The following CENPE variants were observed in gnomAD, a reference collection of about 807,000 sequenced individuals.
CENPE encodes the protein centromere-associated protein E.
A neutral mutation model predicts 336.1 loss-of-function variants in CENPE; 145 were observed. That is an observed-to-expected ratio of 0.43 (90% CI 0.38 to 0.50). The LOEUF is 0.50. Ranked by LOEUF, CENPE falls within the 20% of genes least tolerant of loss-of-function variation. The pLI, the probability that CENPE is intolerant of heterozygous loss-of-function variation, is 0.00. For synonymous variants in CENPE, 1,013 were observed against 984.8 expected, an observed-to-expected ratio of 1.03 and a Z score of -0.54; for missense variants, 2,719 against 3,023.3, an observed-to-expected ratio of 0.90 and a Z score of 2.36.
chr4:103,193,608 A>G (rs967147003), intron 8 of CENPE, among the ~76,000 whole-genome samples: 61 of 152,240 alleles, frequency 4.0e-4, no homozygotes, highest in African/African-American at 1.5e-3. Context: ...AAGGTTTACT[A>G]ATGTGGAATA....
intron 8 of CENPE, 84 bp downstream of exon 8, chr4:103,194,145 T>C (rs1214358453): frequency 2.0e-6 from 2 of 1,002,152 alleles, no homozygotes; most frequent in African/African-American, 3.2e-5. Context: ...TAGTTAACAG[T>C]TCTTATTAAA....
chr4:103,158,591 A>C, intron 23 of CENPE, 23 bp downstream of exon 23: 1 of 1,564,314 alleles, frequency 6.4e-7, no homozygotes, highest in East Asian at 2.2e-5. Context: ...AATTTTTCAA[A>C]GTTTAATCAA....
intron 24 of CENPE, 128 bp from the exon 25 acceptor site, chr4:103,153,378 G>A (rs1753717325): frequency 6.3e-6 from 4 of 631,102 alleles, no homozygotes; most frequent in Non-Finnish European, 1.1e-5. Flanking sequence ...ATTTAATCTT[G>A]ACAGTAACTT....
intron 16 of CENPE, among the ~76,000 whole-genome samples, chr4:103,164,939 T>G (rs538841796): frequency 6.6e-6 from 1 of 152,292 alleles, no homozygotes; most frequent in African/African-American, 2.4e-5. Context: ...TTAAAAATAC[T>G]TAGAAGAGAT....
chr4:103,189,786 G>C (rs1022539569), intron 8 of CENPE, among the ~76,000 whole-genome samples: 7 of 152,102 alleles, frequency 4.6e-5, no homozygotes, highest in African/African-American at 1.7e-4. Context: ...TGGAAGTTCT[G>C]GCCAGAGCAA....
intron 30 of CENPE, 29 bp downstream of exon 30, chr4:103,145,800 T>C (rs1245615354): frequency 6.4e-7 from 1 of 1,560,244 alleles, no homozygotes; most frequent in East Asian, 2.3e-5. Flanking sequence ...AAAATATTTT[T>C]TAAAAACATG....
chr4:103,144,656 A>AT, intron 32 of CENPE, 38 bp from the exon 33 acceptor site: 6 of 1,424,652 alleles, frequency 4.2e-6, no homozygotes, highest in East Asian at 2.3e-5. Flanking sequence ...CATAGGCAGA[A>AT]TTTTTTTAGG....
At chr4:103,170,513 T>C (rs771404568) in intron 16 of CENPE, among the ~76,000 whole-genome samples, 50 of 152,266 alleles carry the variant, frequency 3.3e-4, no homozygotes, top group Admixed American at 2.0e-3. Flanking sequence ...CTTGTAAGCC[T>C]GATGGTAACC....
intron 42 of CENPE, among the ~76,000 whole-genome samples, chr4:103,126,416 G>A (rs1751107199): frequency 1.3e-5 from 2 of 152,030 alleles, no homozygotes; most frequent in Admixed American, 6.6e-5. Context: ...TCCATGTGAA[G>A]GCAGGGAAAT....
rs567857481 is a variant in CENPE, at chr4:103,137,339, T to A, written c.6304-980A>T. On this transcript the variant is annotated intron_variant, in intron 39 of 48. Transcript: ENST00000265148. ...ACTTGAGGCTATGCAGGTGACACAC[T>A]GGTCAGAGCACAGGTAGAGAAACAT... Among the ~76,000 whole-genome samples, 4 of 152,296 alleles carry A rather than the reference T, an allele frequency of 2.6e-5. No homozygotes were observed. In the South Asian group the frequency reaches 8.3e-4, roughly 32 times the overall value.
chr4:103,188,937 C>A (rs933025871), intron 8 of CENPE, among the ~76,000 whole-genome samples: 10 of 151,818 alleles, frequency 6.6e-5, no homozygotes, highest in African/African-American at 1.9e-4. Context: ...TCAAATAGAC[C>A]CAATAAAAAA....
At chr4:103,122,790 TA>T in intron 43 of CENPE, 80 bp downstream of exon 43, 1 of 1,015,110 alleles carries the variant, frequency 9.9e-7, no homozygotes, top group Non-Finnish European at 1.5e-6. Flanking sequence ...TCATGTTCAG[TA>T]ATAAGTAAAT....
At chr4:103,189,515 C>A (rs7435875) in intron 8 of CENPE, among the ~76,000 whole-genome samples, 24,241 of 151,994 alleles carry the variant, frequency 0.16, 2,331 homozygotes, top group Non-Finnish European at 0.2. Context: ...GTAATCCAGC[C>A]TATAAACAGA....
intron 8 of CENPE, among the ~76,000 whole-genome samples, chr4:103,188,015 C>A (rs1003093708): frequency 6.6e-6 from 1 of 151,766 alleles, no homozygotes; most frequent in African/African-American, 2.4e-5. Context: ...ATAAAACAGA[C>A]TTTAAACCAA....
intron 42 of CENPE, among the ~76,000 whole-genome samples, chr4:103,130,976 A>G (rs1254109326): frequency 6.6e-6 from 1 of 151,714 alleles, no homozygotes. Context: ...CATTGGTTTA[A>G]ATGTAAAACA....
At chr4:103,136,639 T>C (rs1234269963) in intron 39 of CENPE, among the ~76,000 whole-genome samples, 1 of 152,230 alleles carries the variant, frequency 6.6e-6, no homozygotes, top group African/African-American at 2.4e-5. Flanking sequence ...TTTTAGTTTT[T>C]TGAATATCCA....
intron 21 of CENPE, 25 bp from the exon 22 acceptor site, chr4:103,159,349 G>A: frequency 7.8e-7 from 1 of 1,281,932 alleles, no homozygotes; most frequent in Non-Finnish European, 1.0e-6. Context: ...TAAAATTTAG[G>A]GATGTTAGCA....
At chr4:103,115,791 T>C (rs969448978) in intron 45 of CENPE, among the ~76,000 whole-genome samples, 1 of 149,538 alleles carries the variant, frequency 6.7e-6, no homozygotes, top group Admixed American at 6.7e-5. Context: ...AGTGCAGTGG[T>C]GCGATCTCGG....
rs747457127 is a variant in CENPE at position 103,181,472 on chromosome 4, G to A, written c.964-16C>T. The stretch of plus-strand genomic sequence containing the variant: ...TACTGGCAAACTGGAAAAAAAATAC[G>A]AAAGTGCTAAGTGTTCAACACTTAA... On this transcript the variant is annotated splice_polypyrimidine_tract_variant and intron_variant, in intron 11 of 48. Coordinates refer to ENST00000265148, the MANE Select transcript of CENPE (RefSeq NM_001813.3). 8 of 1,552,894 alleles carry A rather than the reference G, an allele frequency of 5.2e-6. No individual in the cohort carries two copies. Among genetic ancestry groups the A allele is most frequent in the Admixed American group, 4.3e-5 (2 of 46,232 alleles).
Sources: allele counts gnomAD v4.1 joint callset (sites outside exome capture counted in the v4.1 genomes callset), GRCh38; gene constraint gnomAD v4.1.1; transcripts MANE v1.5; gene names NCBI Gene and HGNC (gene_info 2026-07-23, HGNC 2026-07-21).